CCDC171: variants seen among roughly 807,000 people sequenced by gnomAD.
The protein encoded by CCDC171 is coiled-coil domain-containing protein 171.
Under a neutral mutation model 168.2 loss-of-function variants are expected in CCDC171, and 177 were observed. The ratio of observed to expected loss-of-function variants is 1.05; its 90% CI spans 0.93 to 1.19. The LOEUF (loss-of-function observed/expected upper bound fraction) is 1.19. Ranked by LOEUF, CCDC171 falls within the 50% of genes most tolerant of loss-of-function variation. The pLI is 0.00. For synonymous variants in CCDC171, 687 were observed against 540.8 expected, an observed-to-expected ratio of 1.27 and a Z score of -3.75; for missense variants, 1,991 against 1,539.0, an observed-to-expected ratio of 1.29 and a Z score of -4.91.
intron 3 of CCDC171, among the ~76,000 whole-genome samples, chr9:15,986,854 A>G (rs774666894): frequency 1.3e-5 from 2 of 152,216 alleles, no homozygotes; most frequent in Non-Finnish European, 2.9e-5. Context: ...GTAGTAATAG[A>G]AATATTATGA....
At chr9:15,778,643 C>CAAAAAAAAAAAAAAAAAAA (rs527592822) in intron 19 of CCDC171, among the ~76,000 whole-genome samples, 2 of 58,792 alleles carry the variant, frequency 3.4e-5, no homozygotes, top group African/African-American at 1.3e-4. Context: ...AAGACTGTCT[C>CAAAAAAAAAAAAAAAAAAA]AAAAAAAAAA....
At position 15,780,120 on chromosome 9, in the gene CCDC171, G is replaced by T. The variant is rs571048864; in HGVS notation, c.3081+970G>T. Among the ~76,000 whole-genome samples, 7 of 150,772 alleles carry T rather than the reference G, an allele frequency of 4.6e-5. No individual in the cohort carries two copies. In the South Asian group the frequency reaches 1.4e-3, roughly 31 times the overall value. On this transcript the variant is annotated intron_variant, in intron 20 of 25. Coordinates refer to ENST00000380701, the MANE Select transcript of CCDC171 (RefSeq NM_173550.4). ...GTTTAGTTATTAATCCTATGATAAT[G>T]TAATTGTGCTAGTGTTAATTATTAT...
At chr9:15,885,480 C>A (rs1367272647) in intron 24 of CCDC171, 1 of 152,138 alleles carries the variant, frequency 6.6e-6, no homozygotes, top group African/African-American at 2.4e-5. Context: ...GTTGAACTTT[C>A]AAGTGCTATA....
intron 20 of CCDC171, among the ~76,000 whole-genome samples, chr9:15,780,334 C>CTA (rs773286672): frequency 7.4e-5 from 11 of 149,414 alleles, no homozygotes; most frequent in Non-Finnish European, 1.2e-4. Context: ...TTTTTTTTTT[C>CTA]TAATTATGAA....
intron 18 of CCDC171, among the ~76,000 whole-genome samples, chr9:15,775,299 TTCAGA>T (rs1288761658): frequency 6.6e-6 from 1 of 152,218 alleles, no homozygotes; most frequent in Non-Finnish European, 1.5e-5. Context: ...AGTATCACCC[TTCAGA>T]TCAGTCAGTG....
intron 6 of CCDC171, among the ~76,000 whole-genome samples, chr9:15,597,225 G>C (rs2042441435): frequency 6.6e-6 from 1 of 152,072 alleles, no homozygotes; most frequent in Admixed American, 6.6e-5. Context: ...TCTTGTGCCA[G>C]TTTTCAAAGG....
At chr9:15,741,879 T>TC (rs2054902243) in intron 16 of CCDC171, among the ~76,000 whole-genome samples, 2 of 152,286 alleles carry the variant, frequency 1.3e-5, no homozygotes, top group African/African-American at 4.8e-5. Context: ...TTTAGGTTTT[T>TC]CTCCATTATT....
intron 11 of CCDC171, among the ~76,000 whole-genome samples, chr9:15,709,500 G>A (rs1023245960): frequency 2.6e-5 from 4 of 152,072 alleles, no homozygotes; most frequent in East Asian, 1.9e-4. Context: ...AAGATTGTAC[G>A]TCTTTCTAAG....
chr9:15,814,193 C>T (rs1397644354), intron 21 of CCDC171, among the ~76,000 whole-genome samples: 1 of 152,190 alleles, frequency 6.6e-6, no homozygotes, highest in African/African-American at 2.4e-5. Context: ...GTATCTGTAG[C>T]TAGTACCAGC....
Position 15,949,299 on chromosome 9 carries a change from G to A in CCDC171, c.3754-22310G>A, listed in dbSNP as rs1449992372. Among the ~76,000 whole-genome samples, 3 of 152,164 alleles carry A rather than the reference G, an allele frequency of 2.0e-5. No individual in the cohort carries two copies. In the South Asian group the frequency reaches 6.2e-4, roughly 32 times the overall value. ...TTTTTTGGCTTGGGATTGACTTGGC[G>A]ATTCGGGCTTTTTTTGGTTCCATAT... On this transcript the variant is annotated intron_variant, in intron 25 of 25. Transcript: ENST00000380701.
downstream of CCDC171, among the ~76,000 whole-genome samples, chr9:16,065,920 C>T (rs1156808013): frequency 6.6e-5 from 10 of 151,698 alleles, no homozygotes; most frequent in Admixed American, 2.6e-4. Context: ...TCCAGGAGGC[C>T]GTCAAAGGGC....
chr9:15,822,852 T>G (rs2059848358), intron 21 of CCDC171, among the ~76,000 whole-genome samples: 1 of 152,132 alleles, frequency 6.6e-6, no homozygotes, highest in Admixed American at 6.6e-5. Context: ...CCCAAAGGAT[T>G]ATAAATCATG....
chr9:15,738,079 C>T (rs1213038278), intron 16 of CCDC171, among the ~76,000 whole-genome samples: 1 of 152,090 alleles, frequency 6.6e-6, no homozygotes, highest in Non-Finnish European at 1.5e-5. Context: ...AAATGAAGTC[C>T]TTTGATGTCT....
At chr9:15,798,719 A>G (rs567090238) in intron 21 of CCDC171, among the ~76,000 whole-genome samples, 87 of 152,262 alleles carry the variant, frequency 5.7e-4, no homozygotes, top group African/African-American at 1.9e-3. Context: ...TCTTACTACA[A>G]TGGTAGATTT....
chr9:15,575,708 GCCAGTCCT>G (rs1303132913), intron 3 of CCDC171, among the ~76,000 whole-genome samples: 1 of 152,216 alleles, frequency 6.6e-6, no homozygotes, highest in Non-Finnish European at 1.5e-5. Context: ...GCTTGACCCA[GCCAGTCCT>G]CCTTTTAACA....
intron 7 of CCDC171, among the ~76,000 whole-genome samples, chr9:15,632,715 T>G (rs193068535): frequency 6.6e-6 from 1 of 152,118 alleles, no homozygotes; most frequent in East Asian, 1.9e-4. Context: ...CATCGCCAAG[T>G]CAATCCTAAG....
the CCDC171 span, among the ~76,000 whole-genome samples, chr9:16,092,825 C>A: frequency 5.9e-5 from 9 of 152,196 alleles, no homozygotes; most frequent in African/African-American, 1.9e-4. Context: ...TGGCTTATTT[C>A]AGACCTGTGT....
chr9:16,089,436 T>G, the CCDC171 span, among the ~76,000 whole-genome samples: 1 of 151,848 alleles, frequency 6.6e-6, no homozygotes, highest in African/African-American at 2.4e-5. Context: ...GGTGTTTTAG[T>G]CATGAAGTCA....
intron 23 of CCDC171, among the ~76,000 whole-genome samples, chr9:15,852,009 C>A (rs1288060410): frequency 1.3e-5 from 2 of 151,832 alleles, no homozygotes; most frequent in East Asian, 1.9e-4. Context: ...GTTTCCACTT[C>A]TTGGTTATTA....
Sources: allele counts gnomAD v4.1 joint callset (sites outside exome capture counted in the v4.1 genomes callset), GRCh38; gene constraint gnomAD v4.1.1; transcripts MANE v1.5; gene names NCBI Gene and HGNC (gene_info 2026-07-23, HGNC 2026-07-21).